PLCB4: variants seen among roughly 807,000 people sequenced by gnomAD.
PLCB4 encodes the protein phospholipase C beta 4.
In PLCB4, 77 loss-of-function variants were observed where a neutral mutation model predicts 178.8. The ratio of observed to expected loss-of-function variants is 0.43; its 90% CI spans 0.36 to 0.52. The LOEUF (loss-of-function observed/expected upper bound fraction) is 0.52. Among genes scored for constraint, PLCB4 ranks in the 20% least tolerant of loss-of-function variants. The pLI is 0.00. For synonymous variants in PLCB4, 496 were observed against 490.8 expected, an observed-to-expected ratio of 1.01 and a Z score of -0.14; for missense variants, 1,024 against 1,453.4, an observed-to-expected ratio of 0.70 and a Z score of 4.80.
intron 28 of PLCB4, among the ~76,000 whole-genome samples, chr20:9,424,650 G>A (rs2040870149): frequency 6.6e-6 from 1 of 152,138 alleles, no homozygotes; most frequent in Non-Finnish European, 1.5e-5. Flanking sequence ...GTGATCTTGG[G>A]AAGAGGATGT....
At chr20:9,138,933 G>C (rs2092435411) in intron 2 of PLCB4, among the ~76,000 whole-genome samples, 1 of 152,050 alleles carries the variant, frequency 6.6e-6, no homozygotes, top group East Asian at 1.9e-4. Context: ...GAGCAAAATG[G>C]TAACTATAGT....
chr20:9,166,683 GACTCCTTTTCAGGTAA>G (rs1384328646), intron 2 of PLCB4: 2 of 152,176 alleles, frequency 1.3e-5, no homozygotes, highest in African/African-American at 4.8e-5. Context: ...AAATCCTACT[GACTCCTTTTCAGGTAA>G]AAAAGCATAC....
intron 3 of PLCB4, among the ~76,000 whole-genome samples, chr20:9,277,175 CTGGAGTAAAATTT>C (rs1034467392): frequency 5.3e-5 from 8 of 152,104 alleles, no homozygotes; most frequent in African/African-American, 1.7e-4. Context: ...GGTATAACCA[CTGGAGTAAAATTT>C]CAGCCTTTTT....
chr20:9,192,278 C>T (rs369949917), intron 2 of PLCB4, among the ~76,000 whole-genome samples: 2 of 152,138 alleles, frequency 1.3e-5, no homozygotes, highest in Non-Finnish European at 2.9e-5. Flanking sequence ...TCTGCTGTTA[C>T]ACCTTGTATA....
chr20:9,463,232 C>T (rs998467291), intron 35 of PLCB4, among the ~76,000 whole-genome samples: 7 of 152,018 alleles, frequency 4.6e-5, no homozygotes, highest in South Asian at 2.1e-4. Context: ...ATTTTGTCAC[C>T]GCCAGGCCTG....
chr20:9,158,742 C>A (rs566369029), intron 2 of PLCB4, among the ~76,000 whole-genome samples: 2 of 152,130 alleles, frequency 1.3e-5, no homozygotes, highest in South Asian at 4.1e-4. Flanking sequence ...CACTGGCTGC[C>A]AAAAACCCTG....
intron 2 of PLCB4, among the ~76,000 whole-genome samples, chr20:9,170,566 C>T (rs548858466): frequency 5.9e-5 from 9 of 152,250 alleles, no homozygotes; most frequent in Non-Finnish European, 1.2e-4. Context: ...CTGTTTCCTA[C>T]GAAGATTGTG....
chr20:9,187,770 A>T (rs1390437099), intron 2 of PLCB4, among the ~76,000 whole-genome samples: 2 of 152,242 alleles, frequency 1.3e-5, no homozygotes, highest in African/African-American at 4.8e-5. Flanking sequence ...GTAGGCAAAT[A>T]TCATCCTATA....
chr20:9,295,476 A>T (rs1419846014), intron 3 of PLCB4, among the ~76,000 whole-genome samples: 1 of 152,166 alleles, frequency 6.6e-6, no homozygotes, highest in Non-Finnish European at 1.5e-5. Flanking sequence ...GGCTGATGAT[A>T]ACTCTGTTTA....
intron 3 of PLCB4, among the ~76,000 whole-genome samples, chr20:9,271,641 G>T (rs2094403635): frequency 6.6e-6 from 1 of 152,124 alleles, no homozygotes; most frequent in Non-Finnish European, 1.5e-5. Context: ...TCCGAACAAT[G>T]TGAAGTGTGA....
At chr20:9,346,897 A>G (rs1035601654) in intron 7 of PLCB4, among the ~76,000 whole-genome samples, 1 of 152,112 alleles carries the variant, frequency 6.6e-6, no homozygotes, top group Non-Finnish European at 1.5e-5. Context: ...AGCTGGTGAA[A>G]TCAGTCTCCT....
At chr20:9,189,728 C>A (rs149757447) in intron 2 of PLCB4, among the ~76,000 whole-genome samples, 61 of 152,282 alleles carry the variant, frequency 4.0e-4, no homozygotes, top group African/African-American at 1.4e-3. Context: ...GTCTGTGAAG[C>A]TCTCTGCTTC....
intron 1 of PLCB4, among the ~76,000 whole-genome samples, chr20:9,090,429 A>AG (rs1411317403): frequency 6.6e-6 from 1 of 151,950 alleles, no homozygotes; most frequent in East Asian, 1.9e-4. Flanking sequence ...ACTAATAGAA[A>AG]GGGGGAGGGA....
chr20:9,146,364 T>A (rs1303530897), intron 2 of PLCB4, among the ~76,000 whole-genome samples: 2 of 151,868 alleles, frequency 1.3e-5, no homozygotes, highest in African/African-American at 4.8e-5. Context: ...TAAAAGTAGA[T>A]CAGGATGGAT....
chr20:9,275,716 A>T (rs2094444835), intron 3 of PLCB4, among the ~76,000 whole-genome samples: 1 of 152,096 alleles, frequency 6.6e-6, no homozygotes, highest in Non-Finnish European at 1.5e-5. Context: ...GACCAGCAGC[A>T]TTGAGATCAC....
At chr20:9,410,926 G>A (rs186293505) in intron 24 of PLCB4, 111 bp from the exon 25 acceptor site, 36 of 720,278 alleles carry the variant, frequency 5.0e-5, no homozygotes, top group Admixed American at 3.4e-4. Flanking sequence ...TAGTATTAAA[G>A]AGGGACCTGT....
At chr20:9,448,768 GA>G (rs2042569859) in intron 32 of PLCB4, among the ~76,000 whole-genome samples, 1 of 152,158 alleles carries the variant, frequency 6.6e-6, no homozygotes, top group Non-Finnish European at 1.5e-5. Flanking sequence ...TAGACTTAAA[GA>G]GAAGCAGAGA....
At position 9,337,111 on chromosome 20, in the gene PLCB4, A is replaced by G. The variant is rs1330898068; in HGVS notation, c.85-15A>G. 1 of 1,579,438 alleles carries G rather than the reference A, an allele frequency of 6.3e-7. No homozygotes were observed. Among genetic ancestry groups the G allele is most frequent in the Non-Finnish European group, 8.7e-7 (1 of 1,148,672 alleles). On this transcript the variant is annotated splice_polypyrimidine_tract_variant and intron_variant, in intron 4 of 39. Coordinates refer to ENST00000378473, the MANE Select transcript of PLCB4 (RefSeq NM_001377142.1). ...TGGTGTGAGTCATGAAGATCAACAC[A>G]TTTCTTTTTGACAGGAATCCTTTGT...
intron 2 of PLCB4, among the ~76,000 whole-genome samples, chr20:9,105,713 A>G (rs941899303): frequency 5.3e-5 from 8 of 152,082 alleles, no homozygotes; most frequent in Admixed American, 5.2e-4. Context: ...TAGGAAAAAG[A>G]TTAATTACTC....
Sources: allele counts gnomAD v4.1 joint callset (sites outside exome capture counted in the v4.1 genomes callset), GRCh38; gene constraint gnomAD v4.1.1; transcripts MANE v1.5; gene names NCBI Gene and HGNC (gene_info 2026-07-23, HGNC 2026-07-21).